WIF1: variants seen among roughly 807,000 people sequenced by gnomAD.
The protein encoded by WIF1 is Wnt inhibitory factor 1.
In WIF1, 35 loss-of-function variants were observed where a neutral mutation model predicts 53.5. The observed-to-expected ratio is 0.65, with a 90% CI of 0.50 to 0.87. The LOEUF (loss-of-function observed/expected upper bound fraction) is 0.87. Among genes scored for constraint, WIF1 ranks in the 40% least tolerant of loss-of-function variants. WIF1 has a pLI of 0.00. For missense variants in WIF1, 467 were observed against 476.8 expected (o/e 0.98, Z 0.19); for synonymous variants, 171 against 170.4 (o/e 1.00, Z -0.03).
At chr12:65,119,774 T>C (rs1883572619) in intron 2 of WIF1, among the ~76,000 whole-genome samples, 1 of 152,202 alleles carries the variant, frequency 6.6e-6, no homozygotes, top group African/African-American at 2.4e-5. Context: ...AAAGGTAACA[T>C]ATAAAAGATG....
At chr12:65,084,636 A>G (rs11175639) in intron 2 of WIF1, among the ~76,000 whole-genome samples, 4,769 of 152,242 alleles carry the variant, frequency 0.031, 256 homozygotes, top group African/African-American at 0.11. Flanking sequence ...ATTTTTTCCA[A>G]TGGTCTACTG....
chr12:65,121,301 C>G lies in WIF1; in HGVS notation c.-110G>C. On this transcript the variant is annotated 5_prime_UTR_variant, in exon 1 of 10. Transcript: ENST00000286574. ...CAGCTCCCTCAGCCAGGGCTGTTCC[C>G]GTTTAGACGGCTGGGCGCGTCGCCT... 2 of 1,269,462 alleles carry G rather than the reference C, an allele frequency of 1.6e-6. No homozygotes were observed. Among genetic ancestry groups the G allele is most frequent in the Non-Finnish European group, 2.0e-6 (2 of 1,002,932 alleles). 78.6% of individuals were successfully genotyped at this position (1,269,462 alleles called of 1,614,324 possible).
chr12:65,116,498 C>G (rs555981947), intron 2 of WIF1, among the ~76,000 whole-genome samples: 2 of 152,098 alleles, frequency 1.3e-5, no homozygotes, highest in Non-Finnish European at 2.9e-5. Context: ...AAAACAACCT[C>G]AGGGCTCCCA....
At chr12:65,073,060 A>G (rs1882808479) in intron 3 of WIF1, among the ~76,000 whole-genome samples, 1 of 152,198 alleles carries the variant, frequency 6.6e-6, no homozygotes, top group African/African-American at 2.4e-5. Flanking sequence ...ACAGATGGGC[A>G]TGGTGCTCAG....
chr12:65,094,245 G>A (rs553617976), intron 2 of WIF1, among the ~76,000 whole-genome samples: 9 of 152,240 alleles, frequency 5.9e-5, no homozygotes, highest in East Asian at 1.9e-4. Flanking sequence ...ACTCATTTGC[G>A]GAAAGCAATT....
chr12:65,116,901 C>A (rs193301711), intron 2 of WIF1, among the ~76,000 whole-genome samples: 99 of 139,966 alleles, frequency 7.1e-4, no homozygotes, highest in African/African-American at 2.2e-3. Context: ...CCACTACACT[C>A]CAGCCTGGGC....
At chr12:65,097,019 T>TA (rs11301288) in intron 2 of WIF1, among the ~76,000 whole-genome samples, 2,007 of 137,682 alleles carry the variant, frequency 0.015, 35 homozygotes, top group African/African-American at 0.043. Context: ...TCCTGGAACT[T>TA]AAAAAAAAAA....
chr12:65,082,613 C>T (rs1882966703), intron 2 of WIF1, among the ~76,000 whole-genome samples: 1 of 152,096 alleles, frequency 6.6e-6, no homozygotes, highest in African/African-American at 2.4e-5. Context: ...TAACTTGCTT[C>T]CAATGGACTT....
intron 3 of WIF1, among the ~76,000 whole-genome samples, chr12:65,076,284 C>T (rs7308550): frequency 1.3e-5 from 2 of 151,706 alleles, no homozygotes; most frequent in African/African-American, 4.8e-5. Flanking sequence ...GAATCCTCCC[C>T]CCTCGGCCCC....
chr12:65,092,319 G>A (rs1318914411), intron 2 of WIF1, among the ~76,000 whole-genome samples: 2 of 151,820 alleles, frequency 1.3e-5, no homozygotes, highest in Non-Finnish European at 1.5e-5. Context: ...TAGCATTAGA[G>A]AAACATAATG....
chr12:65,089,578 C>A (rs1883092817), intron 2 of WIF1, among the ~76,000 whole-genome samples: 2 of 152,156 alleles, frequency 1.3e-5, no homozygotes, highest in South Asian at 4.1e-4. Context: ...TGCCCACCAG[C>A]CTCTTCTCCC....
At chr12:65,067,451 G>GA (rs904602950) in intron 5 of WIF1, among the ~76,000 whole-genome samples, 4 of 152,040 alleles carry the variant, frequency 2.6e-5, no homozygotes, top group Non-Finnish European at 4.4e-5. Context: ...TTAAGAGGAG[G>GA]AAAAAAACCT....
intron 2 of WIF1, among the ~76,000 whole-genome samples, chr12:65,088,956 A>T (rs1387175870): frequency 6.6e-6 from 1 of 152,168 alleles, no homozygotes; most frequent in Non-Finnish European, 1.5e-5. Context: ...CATTGTCTTA[A>T]ATGTTGATGT....
At chr12:65,056,521 C>T (rs1183619656) in intron 7 of WIF1, among the ~76,000 whole-genome samples, 5 of 151,016 alleles carry the variant, frequency 3.3e-5, no homozygotes, top group African/African-American at 1.2e-4. Context: ...CCACCACGCC[C>T]AGCCCAATTA....
chr12:65,106,858 T>G (rs540465238), intron 2 of WIF1, among the ~76,000 whole-genome samples: 2 of 152,320 alleles, frequency 1.3e-5, no homozygotes, highest in African/African-American at 2.4e-5. Flanking sequence ...CATGGAGAGA[T>G]AACTCAAAAC....
intron 2 of WIF1, among the ~76,000 whole-genome samples, chr12:65,082,651 G>A (rs1882967148): frequency 6.6e-6 from 1 of 152,160 alleles, no homozygotes; most frequent in Admixed American, 6.5e-5. Context: ...GTTCCTTCCA[G>A]ATGAGATGAA....
At position 65,121,135 on chromosome 12, in the gene WIF1, C is replaced by G. The variant is rs778688469; in HGVS notation, c.57G>C (p.Leu19=). The change falls in exon 1 of 10, where the codon CTG becomes CTC. Residue 19 remains leucine, a synonymous_variant. Coordinates refer to ENST00000286574, the MANE Select transcript of WIF1 (RefSeq NM_007191.5). The part of the protein sequence containing the change: ...AAALWLWSIL[L]CLLALRAEAG... Reference sequence around the variant, plus strand: ...CCTCCGCCCGCAGTGCCAGCAGGCACAGGAGGATGCTCCAGAGCCAGAGCG... The same window carrying G: ...CCTCCGCCCGCAGTGCCAGCAGGCAGAGGAGGATGCTCCAGAGCCAGAGCG... The G allele has an allele frequency of 6.5e-7, 1 of 1,550,084 alleles. No homozygotes were observed.
chr12:65,117,662 T>G (rs1883533323), intron 2 of WIF1, among the ~76,000 whole-genome samples: 1 of 152,192 alleles, frequency 6.6e-6, no homozygotes, highest in African/African-American at 2.4e-5. Context: ...TCATGTAGAA[T>G]CAGTGGGAGC....
chr12:65,051,769 G>T (rs1466951717), intron 9 of WIF1, among the ~76,000 whole-genome samples: 2 of 152,156 alleles, frequency 1.3e-5, no homozygotes, highest in Non-Finnish European at 2.9e-5. Context: ...CCATCCAAGG[G>T]CTGGTAAGGA....
Sources: allele counts gnomAD v4.1 joint callset (sites outside exome capture counted in the v4.1 genomes callset), GRCh38; gene constraint gnomAD v4.1.1; transcripts MANE v1.5; gene names NCBI Gene and HGNC (gene_info 2026-07-23, HGNC 2026-07-21).